Variants in CIB4 observed in about 807,000 individuals in gnomAD.
The protein encoded by CIB4 is calcium and integrin-binding family member 4.
In CIB4, 25 loss-of-function variants were observed where a neutral mutation model predicts 25.8. The ratio of observed to expected loss-of-function variants is 0.97; its 90% CI spans 0.71 to 1.35. The LOEUF is 1.35. CIB4 is among the 40% of genes most tolerant of loss of function. CIB4 has a pLI of 0.00. For missense variants in CIB4, 235 were observed against 228.2 expected (o/e 1.03, Z -0.19); for synonymous variants, 75 against 81.4 (o/e 0.92, Z 0.42).
chr2:26,640,590 G>A lies in CIB4; in HGVS notation c.55-23C>T, dbSNP rs145596104. ...GGCCTGCAACAAATCACAGAGAAGC[G>A]ACGTGTCCACTCCATTCATCCCTGC... On this transcript the variant is annotated intron_variant, in intron 1 of 6. Coordinates refer to ENST00000288861, the MANE Select transcript of CIB4 (RefSeq NM_001029881.3). 3.2e-4 allele frequency: 516 copies of A among 1,609,534 alleles called. 1 individual carries two copies. The African/African-American group carries it at 4.9e-3, about 15-fold the overall frequency.
intron 3 of CIB4, among the ~76,000 whole-genome samples, chr2:26,614,899 G>A (rs757527686): frequency 1.1e-4 from 17 of 152,222 alleles, no homozygotes; most frequent in South Asian, 2.1e-4. Context: ...AATGCTGCAC[G>A]TCAAGGATAA....
intron 3 of CIB4, among the ~76,000 whole-genome samples, chr2:26,625,675 C>CA (rs1669290867): frequency 1.3e-5 from 2 of 152,218 alleles, no homozygotes; most frequent in African/African-American, 4.8e-5. Flanking sequence ...TCCACCCCCC[C>CA]ACTGCTTCCC....
intron 3 of CIB4, among the ~76,000 whole-genome samples, chr2:26,596,858 C>T (rs936446754): frequency 1.3e-5 from 2 of 152,046 alleles, no homozygotes; most frequent in Admixed American, 1.3e-4. Flanking sequence ...TGGAAGAGTT[C>T]TTAAAAGAGC....
intron 3 of CIB4, among the ~76,000 whole-genome samples, chr2:26,623,962 A>T (rs1669252898): frequency 6.6e-6 from 1 of 152,220 alleles, no homozygotes; most frequent in Non-Finnish European, 1.5e-5. Flanking sequence ...ACACTTTTAA[A>T]TACACCAAAT....
chr2:26,600,433 G>T (rs557355012), intron 3 of CIB4, among the ~76,000 whole-genome samples: 1 of 152,046 alleles, frequency 6.6e-6, no homozygotes, highest in Non-Finnish European at 1.5e-5. Flanking sequence ...AACAAATAAA[G>T]AAATAAAATG....
chr2:26,634,822 G>A (rs927082006), intron 2 of CIB4, among the ~76,000 whole-genome samples: 2 of 152,248 alleles, frequency 1.3e-5, no homozygotes, highest in Non-Finnish European at 2.9e-5. Flanking sequence ...CTGAGCAGAG[G>A]CTGGAAGCAA....
rs1190894818 is a variant in CIB4, at chr2:26,627,898, G to A, written c.186+1512C>T. On this transcript the variant is annotated intron_variant, in intron 3 of 6. Coordinates refer to ENST00000288861, the MANE Select transcript of CIB4 (RefSeq NM_001029881.3). This position sits in a 1 kb window ranked among gnomAD's most constrained non-coding sequence, Gnocchi z 4.0. Reference sequence around the variant, plus strand: ...GTCACTTAGGAGGGGCCGTGCAGCCGTGGCTTGAATGACATGTCTGTGCCC... The same window carrying A: ...GTCACTTAGGAGGGGCCGTGCAGCCATGGCTTGAATGACATGTCTGTGCCC... Among the ~76,000 whole-genome samples the A allele has an allele frequency of 2.0e-5, 3 of 152,102 alleles. No individual in the cohort carries two copies. Among genetic ancestry groups the A allele is most frequent in the African/African-American group, 4.8e-5 (2 of 41,402 alleles).
intron 3 of CIB4, among the ~76,000 whole-genome samples, chr2:26,607,796 C>T (rs546192399): frequency 2.6e-5 from 4 of 152,338 alleles, no homozygotes; most frequent in Non-Finnish European, 4.4e-5. Context: ...CCTGGGCCAG[C>T]GTGTGTCCAG....
chr2:26,623,229 G>A (rs2148219217), intron 3 of CIB4, among the ~76,000 whole-genome samples: 1 of 151,990 alleles, frequency 6.6e-6, no homozygotes, highest in African/African-American at 2.4e-5. Flanking sequence ...TGTGGTTCCA[G>A]CTACTCGGGA....
chr2:26,595,042 A>T (rs1668653591), intron 4 of CIB4, 134 bp downstream of exon 4: 1 of 806,018 alleles, frequency 1.2e-6, no homozygotes, highest in Admixed American at 2.3e-5. Context: ...CATGCAAAAT[A>T]TGACACAGAC....
chr2:26,612,967 T>C (rs1464203833), intron 3 of CIB4, among the ~76,000 whole-genome samples: 3 of 151,960 alleles, frequency 2.0e-5, no homozygotes, highest in African/African-American at 7.2e-5. Flanking sequence ...TTCCCCTAGA[T>C]GCTGGGTGGG....
chr2:26,635,844 G>A (rs760146801), intron 2 of CIB4, among the ~76,000 whole-genome samples: 11 of 152,194 alleles, frequency 7.2e-5, no homozygotes, highest in Non-Finnish European at 1.5e-4. Context: ...TATTTCATAA[G>A]AGCAGTAGCA....
chr2:26,620,776 G>A (rs556410358), intron 3 of CIB4, among the ~76,000 whole-genome samples: 6 of 152,228 alleles, frequency 3.9e-5, no homozygotes, highest in East Asian at 1.9e-4. Flanking sequence ...GGCTTCTGAC[G>A]CGCAAGCCAA....
chr2:26,590,284 A>AAAAAC (rs1553373370), intron 4 of CIB4, among the ~76,000 whole-genome samples: 1 of 150,086 alleles, frequency 6.7e-6, no homozygotes, highest in Admixed American at 6.7e-5. Context: ...AAAAAAAAAA[A>AAAAAC]CTCACAGGTG....
At chr2:26,583,041 C>T in intron 5 of CIB4, 128 bp from the exon 6 acceptor site, 1 of 624,192 alleles carries the variant, frequency 1.6e-6, no homozygotes, top group Admixed American at 2.6e-5. Flanking sequence ...CTCCTGGGTC[C>T]CCTGACCCCA....
At chr2:26,598,075 G>A (rs1148966) in intron 3 of CIB4, among the ~76,000 whole-genome samples, 146,400 of 152,188 alleles carry the variant, frequency 0.96, 70,668 homozygotes, top group East Asian at 1. Flanking sequence ...CGAGACTGAC[G>A]GAACTCCTGA....
At chr2:26,594,911 C>T (rs750131308) in intron 4 of CIB4, among the ~76,000 whole-genome samples, 2 of 152,162 alleles carry the variant, frequency 1.3e-5, no homozygotes, top group Non-Finnish European at 2.9e-5. Flanking sequence ...TCTCGCCTGC[C>T]CACACACCAC....
At chr2:26,622,196 G>C (rs1035698733) in intron 3 of CIB4, among the ~76,000 whole-genome samples, 1 of 151,636 alleles carries the variant, frequency 6.6e-6, no homozygotes, top group Non-Finnish European at 1.5e-5. Context: ...CCCTGTCTCT[G>C]CTAAAAATGC....
chr2:26,629,204 G>T (rs1669367060), intron 3 of CIB4, among the ~76,000 whole-genome samples: 1 of 152,180 alleles, frequency 6.6e-6, no homozygotes, highest in African/African-American at 2.4e-5. Flanking sequence ...ACCGAGGTGA[G>T]GATGGAGGGA....
Sources: gnomAD v4.1 joint callset for allele counts (sites outside exome capture counted in the v4.1 genomes callset) on GRCh38, gnomAD v4.1.1 for gene constraint, Gnocchi (gnomAD v3.1) non-coding constraint, MANE v1.5 for transcripts, NCBI Gene and HGNC (gene_info 2026-07-23, HGNC 2026-07-21) for gene names.